The following RTEL1 variants were observed in gnomAD, a reference collection of about 807,000 sequenced individuals.
RTEL1 encodes regulator of telomere elongation helicase 1.
A neutral mutation model predicts 162.2 loss-of-function variants in RTEL1; 86 were observed. The ratio of observed to expected loss-of-function variants is 0.53; its 90% confidence interval spans 0.45 to 0.63. RTEL1 has a LOEUF of 0.63. RTEL1 is among the 30% of genes least tolerant of loss of function. The pLI, the probability that RTEL1 is intolerant of heterozygous loss-of-function variation, is 0.00. For synonymous variants in RTEL1, 958 were observed against 717.9 expected, an observed-to-expected ratio of 1.33 and a Z score of -5.35; for missense variants, 1,941 against 1,750.2, an observed-to-expected ratio of 1.11 and a Z score of -1.95.
At position 63,695,309 on chromosome 20, in the gene RTEL1, C is replaced by G. The variant is rs1346508784; in HGVS notation, c.3500-19C>G. 5 of 1,575,616 alleles carry G rather than the reference C, an allele frequency of 3.2e-6. No homozygotes were observed. Among genetic ancestry groups the G allele is most frequent in the African/African-American group, 1.4e-5 (1 of 73,978 alleles). On this transcript the variant is annotated intron_variant, in intron 33 of 34. Transcript: ENST00000360203. ...AGCAAAGCCCCAGGCCCCCCTCAGA[C>G]TCAAGTCTCTGTCTCCAGGCCCCTC...
chr20:63,693,835 C>T (rs762104916), intron 30 of RTEL1, among the ~76,000 whole-genome samples: 2 of 146,348 alleles, frequency 1.4e-5, no homozygotes, highest in Admixed American at 6.8e-5. Context: ...TGCCATAGCC[C>T]CGACCCCTAA....
At chr20:63,662,985 G>A (rs2090051273) in intron 6 of RTEL1, 96 bp downstream of exon 6, 6 of 1,257,526 alleles carry the variant, frequency 4.8e-6, no homozygotes, top group East Asian at 2.3e-5. Context: ...TGCTTGCCCG[G>A]TGGGGCGGCC....
intron 14 of RTEL1, 114 bp from the exon 15 acceptor site, chr20:63,685,409 C>A: frequency 1.9e-6 from 2 of 1,041,998 alleles, no homozygotes; most frequent in Non-Finnish European, 2.8e-6. Context: ...ATGGCAGGGG[C>A]CGGTGAACCG....
Position 63,661,219 on chromosome 20 carries a change from C to G in RTEL1, c.103-79C>G. ...CTGCAAAGAGCTGCCCGCTGGCTGC[C>G]GAAGCTTGTCTCAGGGCAGCTTGTG... On this transcript the variant is annotated intron_variant, in intron 2 of 34. Coordinates refer to ENST00000360203, the MANE Select transcript of RTEL1 (RefSeq NM_001283009.2). This position sits in a 1 kb window ranked among gnomAD's most constrained non-coding sequence, Gnocchi z 5.1. 7.2e-7 allele frequency: 1 copy of G among 1,383,716 alleles called. No individual in the cohort carries two copies. The highest frequency in any genetic ancestry group is 1.0e-6 in the Non-Finnish European group (1 of 994,734). 85.7% of individuals were successfully genotyped at this position (1,383,716 alleles called of 1,614,324 possible).
chr20:63,685,053 T>G (rs1299269882), intron 14 of RTEL1, among the ~76,000 whole-genome samples: 1 of 150,480 alleles, frequency 6.6e-6, no homozygotes, highest in Admixed American at 6.6e-5. Context: ...AGGTTTTTTT[T>G]TTTTTTTTTT....
chr20:63,674,128 C>T (rs751168660), intron 10 of RTEL1, 35 bp downstream of exon 10: 1 of 1,565,810 alleles, frequency 6.4e-7, no homozygotes, highest in Non-Finnish European at 8.7e-7. Flanking sequence ...GTCCTGAGGC[C>T]TGCGCTGCTG....
chr20:63,663,792 T>C, intron 6 of RTEL1, among the ~76,000 whole-genome samples: 1 of 152,202 alleles, frequency 6.6e-6, no homozygotes, highest in East Asian at 1.9e-4. Flanking sequence ...GGCTGCTTTC[T>C]GCACTCACGT....
At chr20:63,693,314 C>T in intron 30 of RTEL1, 31 bp downstream of exon 30, 19 of 1,609,844 alleles carry the variant, frequency 1.2e-5, no homozygotes, top group Non-Finnish European at 1.6e-5. Context: ...GACCCTCAGA[C>T]TCCTGCGTGG....
Position 63,692,613 on chromosome 20 carries a change from C to T in RTEL1, c.2653-192C>T, listed in dbSNP as rs8118389. 4,767 of 609,678 alleles carry T rather than the reference C, an allele frequency of 7.8e-3. 161 individuals carry two copies. The highest frequency in any genetic ancestry group is 0.072 in the African/African-American group (3,939 of 54,370). 37.8% of individuals were successfully genotyped at this position (609,678 alleles called of 1,614,324 possible). On this transcript the variant is annotated intron_variant, in intron 28 of 34. Coordinates refer to ENST00000360203, the MANE Select transcript of RTEL1 (RefSeq NM_001283009.2). ...CAGCCTCTCACTGTGTGACCTCAGACGGGCCCAGCCCCACAGCTTTCTTCC... is the reference window on the plus strand; with the variant it reads ...CAGCCTCTCACTGTGTGACCTCAGATGGGCCCAGCCCCACAGCTTTCTTCC...
chr20:63,670,533 G>A (rs1374152316), intron 8 of RTEL1, among the ~76,000 whole-genome samples: 1 of 152,248 alleles, frequency 6.6e-6, no homozygotes, highest in Non-Finnish European at 1.5e-5. Context: ...ACGGGGAGCC[G>A]ACACTGTGGT....
chr20:63,681,364 T>C (rs2146222496), intron 14 of RTEL1: 1 of 985,290 alleles, frequency 1.0e-6, no homozygotes, highest in Non-Finnish European at 1.2e-6. Context: ...CCTCGGTGGC[T>C]TTTTTAGAAG....
chr20:63,694,161 G>T (rs928667257), intron 30 of RTEL1, among the ~76,000 whole-genome samples: 1 of 152,084 alleles, frequency 6.6e-6, no homozygotes, highest in Admixed American at 6.5e-5. Context: ...CCTGAGTGGG[G>T]CTTTGGCCTG....
At chr20:63,692,447 G>A (rs939227755) in intron 28 of RTEL1, 7 of 347,894 alleles carry the variant, frequency 2.0e-5, no homozygotes, top group East Asian at 1.9e-4. Flanking sequence ...CTCCTTGTGC[G>A]CTGCCATCCT....
intron 4 of RTEL1, 28 bp from the exon 5 acceptor site, chr20:63,662,518 C>T (rs1358366546): frequency 1.2e-6 from 2 of 1,613,114 alleles, no homozygotes; most frequent in East Asian, 2.2e-5. Context: ...ACAGCTCCTC[C>T]TCGACCCACG....
chr20:63,663,020 G>A (rs1266481419), intron 6 of RTEL1, 131 bp downstream of exon 6: 2 of 851,008 alleles, frequency 2.4e-6, no homozygotes, highest in Non-Finnish European at 4.0e-6. Flanking sequence ...CCTGGGCCCT[G>A]TCTTCTGACT....
In RTEL1 at chr20:63,689,019, G is replaced by A. The variant is rs777426860; in HGVS notation, c.1801-36G>A. 4.3e-5 allele frequency: 67 copies of A among 1,575,054 alleles called. No individual in the cohort carries two copies. In the East Asian group the frequency reaches 1.5e-3, roughly 34 times the overall value. ...CATGGGGGAGGAAGGGGCTGGGGGG[G>A]GGCTCCAGGCTCAGCCTCACCAACT... On this transcript the variant is annotated intron_variant, in intron 21 of 34. Transcript: ENST00000360203.
Position 63,689,100 on chromosome 20 carries a change from G to T in RTEL1, c.1846G>T (p.Gly616Cys). 1 of 1,610,510 alleles carries T rather than the reference G, an allele frequency of 6.2e-7. No individual in the cohort carries two copies. Residue 616 changes from glycine (G) to cysteine (C), a missense_variant, in exon 22 of 35, where the codon GGC (glycine) becomes TGC (cysteine). Physicochemically the swap from Gly to Cys is radical, Grantham distance 159. Transcript: ENST00000360203. ...YARVAAPGST[G>C]ATFLAVCRGK... is the part of the protein sequence containing the mutation. ...AAGGGTTGCCGCCCCTGGGTCCACC[G>T]GCGCCACCTTCCTGGCGGTCTGCCG...
At chr20:63,672,025 A>G (rs562319585) in intron 8 of RTEL1, among the ~76,000 whole-genome samples, 23 of 151,876 alleles carry the variant, frequency 1.5e-4, no homozygotes, top group Non-Finnish European at 2.5e-4. Context: ...CTGGGATTAC[A>G]GGCACACACC....
At chr20:63,693,486 ACCACCTCCACCTCCACCACCACCT>A (rs2145455829) in intron 30 of RTEL1, among the ~76,000 whole-genome samples, 16 of 21,232 alleles carry the variant, frequency 7.5e-4, no homozygotes, top group African/African-American at 2.0e-3. Flanking sequence ...CACCTCCACC[ACCACCTCCACCTCCACCACCACCT>A]CCTCCACCAC....
Sources: allele counts gnomAD v4.1 joint callset (sites outside exome capture counted in the v4.1 genomes callset), GRCh38; gene constraint gnomAD v4.1.1; non-coding constraint Gnocchi (gnomAD v3.1); transcripts MANE v1.5; gene names NCBI Gene and HGNC (gene_info 2026-07-23, HGNC 2026-07-21).